UGT2B7: variants seen among roughly 807,000 people sequenced by gnomAD.
The protein encoded by UGT2B7 is UDP-glucuronosyltransferase 2B7.
In UGT2B7, 51 loss-of-function variants were observed where a neutral mutation model predicts 51.9. That is an observed-to-expected ratio of 0.98 (90% CI 0.78 to 1.24). UGT2B7 has a LOEUF of 1.24. Among genes scored for constraint, UGT2B7 ranks in the 50% most tolerant of loss-of-function variants. The pLI, the probability that UGT2B7 is intolerant of heterozygous loss-of-function variation, is 0.00. For missense variants in UGT2B7, 727 were observed against 628.4 expected, an observed-to-expected ratio of 1.16 and a Z score of -1.68; for synonymous variants, 225 against 211.6, an observed-to-expected ratio of 1.06 and a Z score of -0.55.
At chr4:69,071,427 C>T (rs1020386741) in intron 1 of UGT2B7, among the ~76,000 whole-genome samples, 4 of 152,174 alleles carry the variant, frequency 2.6e-5, no homozygotes, top group Non-Finnish European at 5.9e-5. Context: ...CTGGAGAAAA[C>T]ATAGTAAATG....
chr4:69,095,781 G>A (rs1038042390), upstream of UGT2B7, among the ~76,000 whole-genome samples: 1 of 152,152 alleles, frequency 6.6e-6, no homozygotes, highest in Non-Finnish European at 1.5e-5. Context: ...GAATCAACAT[G>A]TATACGCTAT....
intron 3 of UGT2B7, among the ~76,000 whole-genome samples, chr4:69,106,498 T>C (rs1719604350): frequency 6.6e-6 from 1 of 152,208 alleles, no homozygotes; most frequent in African/African-American, 2.4e-5. Context: ...ATTCAGCCCA[T>C]AATCAATGGG....
At chr4:69,054,917 C>T (rs1328237881) in intron 1 of UGT2B7, among the ~76,000 whole-genome samples, 1 of 151,660 alleles carries the variant, frequency 6.6e-6, no homozygotes, top group Non-Finnish European at 1.5e-5. Context: ...TGCTACAGTC[C>T]TATTATTTTA....
intron 1 of UGT2B7, among the ~76,000 whole-genome samples, chr4:69,069,027 T>C (rs1030004971): frequency 5.3e-5 from 8 of 150,252 alleles, no homozygotes; most frequent in African/African-American, 1.7e-4. Flanking sequence ...ACATTACTAC[T>C]CACAAAAATC....
At chr4:69,064,052 GAAAGAAAGAAAGAA>G (rs1560499623) in intron 1 of UGT2B7, among the ~76,000 whole-genome samples, 1 of 93,352 alleles carries the variant, frequency 1.1e-5, no homozygotes, top group African/African-American at 5.9e-5. Flanking sequence ...AAGAAAGAAA[GAAAGAAAGAAAGAA>G]AGAAAGAAAG....
intron 1 of UGT2B7, among the ~76,000 whole-genome samples, chr4:69,060,845 G>A (rs1053940895): frequency 1.3e-5 from 2 of 152,162 alleles, no homozygotes; most frequent in Non-Finnish European, 2.9e-5. Flanking sequence ...GGGCTCCTAT[G>A]TGATAATCCC....
Position 69,096,478 on chromosome 4 carries a change from G to A in UGT2B7, c.-43G>A. Reference sequence around the variant, plus strand: ...TTGGACATAACCATGAGAAATGACAGAAAGGAACAGCAACTGGAAAACAAG... The same window carrying A: ...TTGGACATAACCATGAGAAATGACAAAAAGGAACAGCAACTGGAAAACAAG... On this transcript the variant is annotated 5_prime_UTR_variant, in exon 1 of 6. Transcript: ENST00000305231. 2 of 1,609,320 alleles carry A rather than the reference G, an allele frequency of 1.2e-6. No homozygotes were observed. Among genetic ancestry groups the A allele is most frequent in the Non-Finnish European group, 1.7e-6 (2 of 1,178,588 alleles).
intron 1 of UGT2B7, among the ~76,000 whole-genome samples, chr4:69,058,674 A>G: frequency 6.6e-6 from 1 of 152,224 alleles, no homozygotes; most frequent in Non-Finnish European, 1.5e-5. Flanking sequence ...ATATCAGGCA[A>G]AAATTGCAGA....
chr4:69,095,665 CT>C (rs1223863137), upstream of UGT2B7, among the ~76,000 whole-genome samples: 6 of 152,136 alleles, frequency 3.9e-5, no homozygotes, highest in East Asian at 1.2e-3. Flanking sequence ...GTACTACAAG[CT>C]TGGTTTACTT....
Position 69,053,701 on chromosome 4 carries a change from G to A in UGT2B7, c.-159+2099G>A, listed in dbSNP as rs530646708. On this transcript the variant is annotated intron_variant, in intron 1 of 5. Coordinates refer to the UGT2B7 transcript ENST00000502942. ...ACTTCGTGTCTCTCACAGCAGGGAG[G>A]AGACAGCATTCCTTAGAGACCTGAA... Among the ~76,000 whole-genome samples, 12 of 152,280 alleles carry A rather than the reference G, an allele frequency of 7.9e-5. No homozygotes were observed. In the South Asian group the frequency reaches 1.2e-3, roughly 16 times the overall value.
intron 1 of UGT2B7, among the ~76,000 whole-genome samples, chr4:69,064,410 A>G (rs1348528903): frequency 2.6e-5 from 4 of 152,212 alleles, no homozygotes; most frequent in African/African-American, 9.6e-5. Flanking sequence ...TCTAAAAGGT[A>G]CTGCGAAGGT....
chr4:69,063,318 C>CAAAAAAAAAAAAAA (rs556109411), intron 1 of UGT2B7, among the ~76,000 whole-genome samples: 3 of 23,848 alleles, frequency 1.3e-4, no homozygotes, highest in African/African-American at 2.5e-4. Flanking sequence ...GACTCCGTCT[C>CAAAAAAAAAAAAAA]AAAAAAAAAA....
chr4:69,102,324 T>C (rs1159394043), intron 2 of UGT2B7, among the ~76,000 whole-genome samples: 1 of 152,166 alleles, frequency 6.6e-6, no homozygotes, highest in Non-Finnish European at 1.5e-5. Context: ...TCAGAGCTCA[T>C]AGTTAGGGAA....
At chr4:69,070,822 A>G (rs1427025344) in intron 1 of UGT2B7, among the ~76,000 whole-genome samples, 1 of 152,112 alleles carries the variant, frequency 6.6e-6, no homozygotes, top group African/African-American at 2.4e-5. Flanking sequence ...GTGCACATAT[A>G]AGCTGGACTA....
At chr4:69,064,100 A>AAGAAAG (rs1718431389) in intron 1 of UGT2B7, among the ~76,000 whole-genome samples, 10 of 104,796 alleles carry the variant, frequency 9.5e-5, no homozygotes, top group East Asian at 6.4e-4. Context: ...AAGAAAGAGA[A>AAGAAAG]AGAAAGAAAG....
intron 1 of UGT2B7, among the ~76,000 whole-genome samples, chr4:69,080,989 A>T (rs536735943): frequency 6.6e-6 from 1 of 152,312 alleles, no homozygotes; most frequent in African/African-American, 2.4e-5. Flanking sequence ...GAGTAGATAG[A>T]TAAATTATTA....
At chr4:69,098,054 C>A (rs1236509811) in intron 1 of UGT2B7, among the ~76,000 whole-genome samples, 1 of 151,984 alleles carries the variant, frequency 6.6e-6, no homozygotes, top group Non-Finnish European at 1.5e-5. Context: ...TTCAGCCATA[C>A]TCTCAACATA....
intron 1 of UGT2B7, among the ~76,000 whole-genome samples, chr4:69,084,632 G>A (rs1378506220): frequency 4.0e-5 from 6 of 151,716 alleles, no homozygotes; most frequent in South Asian, 2.1e-4. Context: ...CCCAACGCAC[G>A]ACAGGCCCCA....
At chr4:69,077,783 C>T (rs1320251901) in intron 1 of UGT2B7, among the ~76,000 whole-genome samples, 2 of 152,060 alleles carry the variant, frequency 1.3e-5, no homozygotes, top group African/African-American at 2.4e-5. Context: ...TTTATCTTGC[C>T]AGATTTCCCT....
Sources: allele counts gnomAD v4.1 joint callset (sites outside exome capture counted in the v4.1 genomes callset), GRCh38; gene constraint gnomAD v4.1.1; transcripts MANE v1.5; gene names NCBI Gene and HGNC (gene_info 2026-07-23, HGNC 2026-07-21).